KIAA0825: variants seen among roughly 807,000 people sequenced by gnomAD.
The protein encoded by KIAA0825 is KIAA0825.
In KIAA0825, 119 loss-of-function variants were observed where a neutral mutation model predicts 147.6. The ratio of observed to expected loss-of-function variants is 0.81; its 90% CI spans 0.69 to 0.94. The LOEUF is 0.94. Ranked by LOEUF, KIAA0825 falls within the 40% of genes least tolerant of loss-of-function variation. KIAA0825 has a pLI of 0.00. For missense variants in KIAA0825, 1,381 were observed against 1,472.7 expected (o/e 0.94, Z 1.02); for synonymous variants, 470 against 518.1 (o/e 0.91, Z 1.26).
intron 20 of KIAA0825, among the ~76,000 whole-genome samples, chr5:94,294,192 G>A (rs1778034319): frequency 6.6e-6 from 1 of 152,038 alleles, no homozygotes; most frequent in East Asian, 1.9e-4. Flanking sequence ...TGGTTATTTT[G>A]CCCATTAGTT....
intron 20 of KIAA0825, among the ~76,000 whole-genome samples, chr5:94,174,584 T>G (rs1278126207): frequency 6.6e-6 from 1 of 152,156 alleles, no homozygotes; most frequent in Non-Finnish European, 1.5e-5. Flanking sequence ...GTTTGAGTAC[T>G]AGCTAAAAAT....
rs1443402841 is a variant in KIAA0825, at chr5:94,499,583, T to TC, written c.971-14654dup. Among the ~76,000 whole-genome samples, 18 of 42,810 alleles carry TC rather than the reference T, an allele frequency of 4.2e-4. No individual in the cohort carries two copies. In the East Asian group the frequency reaches 0.013, roughly 30 times the overall value. The allele number at this position is 42,810 out of a possible 152,430, so 28.1% of individuals were successfully genotyped here. A position where few individuals can be genotyped will look rare whatever the true frequency, so the allele number is the denominator to read the frequency against. On this transcript the variant is annotated intron_variant, in intron 5 of 20. Coordinates refer to ENST00000682413, the MANE Select transcript of KIAA0825 (RefSeq NM_001145678.3). ...CATATATTCATATTTTATTTCCCAA[T>TC]CTGGGGGGGGGGGGGGACCAAGGGT...
intron 1 of KIAA0825, among the ~76,000 whole-genome samples, chr5:94,604,753 A>G (rs1246970548): frequency 1.3e-5 from 2 of 152,212 alleles, no homozygotes; most frequent in African/African-American, 4.8e-5. Flanking sequence ...GACAGTGTTA[A>G]GAGGGAAATT....
chr5:94,467,154 TA>T (rs1176396006), intron 10 of KIAA0825, among the ~76,000 whole-genome samples: 4 of 152,228 alleles, frequency 2.6e-5, no homozygotes, highest in African/African-American at 9.6e-5. Flanking sequence ...TTTTAAAATA[TA>T]AACTTCATGT....
intron 13 of KIAA0825, among the ~76,000 whole-genome samples, chr5:94,443,604 G>A (rs912836117): frequency 2.0e-5 from 3 of 151,956 alleles, no homozygotes; most frequent in Non-Finnish European, 4.4e-5. Context: ...AAGCATTATT[G>A]GTTTATGAAA....
intron 5 of KIAA0825, chr5:94,519,447 T>C: frequency 1.1e-6 from 1 of 909,684 alleles, no homozygotes; most frequent in Non-Finnish European, 1.3e-6. Context: ...TTTTCTCCAC[T>C]GGTAGGAAAG....
chr5:94,397,581 C>T (rs1008412529), intron 16 of KIAA0825, among the ~76,000 whole-genome samples: 4 of 152,136 alleles, frequency 2.6e-5, no homozygotes, highest in Non-Finnish European at 5.9e-5. Flanking sequence ...ATTAATTCTT[C>T]TTCTCTGTAT....
Position 94,574,337 on chromosome 5 carries a change from G to A in KIAA0825, c.-2+8096C>T, listed in dbSNP as rs1318851665. Among the ~76,000 whole-genome samples the A allele has an allele frequency of 2.6e-5, 4 of 152,062 alleles. No homozygotes were observed. The East Asian group carries it at 7.7e-4, about 29-fold the overall frequency. On this transcript the variant is annotated intron_variant, in intron 2 of 20. Transcript: ENST00000682413. ...AGGTGGGAGGATCACAAGATCAGGA[G>A]TTCGAGACCAGTCTGGCCAACATAG...
intron 17 of KIAA0825, among the ~76,000 whole-genome samples, chr5:94,395,317 T>A (rs980302808): frequency 3.9e-5 from 6 of 152,208 alleles, no homozygotes; most frequent in African/African-American, 1.4e-4. Flanking sequence ...TAGTATCTGC[T>A]AGCAACATGA....
At chr5:94,594,104 G>A (rs537350395) in intron 1 of KIAA0825, 9 of 545,194 alleles carry the variant, frequency 1.7e-5, no homozygotes, top group African/African-American at 5.7e-5. Flanking sequence ...GTGTTTCTTG[G>A]TTTCTCTTTG....
intron 2 of KIAA0825, among the ~76,000 whole-genome samples, chr5:94,544,111 GGA>G (rs1773875348): frequency 6.6e-6 from 1 of 152,118 alleles, no homozygotes; most frequent in African/African-American, 2.4e-5. Context: ...ACCCTCTCTT[GGA>G]GTCTGGATAG....
chr5:94,585,609 C>A (rs989474403), intron 1 of KIAA0825, among the ~76,000 whole-genome samples: 3 of 152,130 alleles, frequency 2.0e-5, no homozygotes, highest in African/African-American at 7.2e-5. Context: ...TAACACCCTG[C>A]TGTCAATATT....
In KIAA0825 at chr5:94,417,191, T is replaced by A; in HGVS notation, c.2662+10A>T. On this transcript the variant is annotated intron_variant, in intron 15 of 20. Coordinates refer to ENST00000682413, the MANE Select transcript of KIAA0825 (RefSeq NM_001145678.3). ...GAACATTTCTTTTACAAACAGTAAA[T>A]GTCTCATACCTGGGATGTTATATAA... 6.5e-7 allele frequency: 1 copy of A among 1,548,922 alleles called. No homozygotes were observed. Among genetic ancestry groups the A allele is most frequent in the Non-Finnish European group, 8.7e-7 (1 of 1,144,990 alleles).
chr5:94,563,144 G>A (rs983082681), intron 2 of KIAA0825, among the ~76,000 whole-genome samples: 2 of 151,122 alleles, frequency 1.3e-5, no homozygotes, highest in African/African-American at 2.4e-5. Context: ...GATCGAGACC[G>A]TCCTGGCTAA....
intron 7 of KIAA0825, among the ~76,000 whole-genome samples, chr5:94,474,731 C>T (rs984382073): frequency 6.6e-6 from 1 of 152,030 alleles, no homozygotes; most frequent in African/African-American, 2.4e-5. Flanking sequence ...TAAATTTTAA[C>T]GGAACTTTCT....
chr5:94,509,752 T>C (rs1290244798), intron 5 of KIAA0825, among the ~76,000 whole-genome samples: 1 of 152,226 alleles, frequency 6.6e-6, no homozygotes, highest in Admixed American at 6.5e-5. Context: ...CATTTAACTA[T>C]TAAATCTTAA....
intron 20 of KIAA0825, among the ~76,000 whole-genome samples, chr5:94,221,520 A>T (rs1230815263): frequency 6.6e-6 from 1 of 152,108 alleles, no homozygotes; most frequent in Non-Finnish European, 1.5e-5. Flanking sequence ...CTGAGTCCTC[A>T]CAGGAACCTG....
chr5:94,541,323 G>T (rs1348213316), intron 2 of KIAA0825, among the ~76,000 whole-genome samples: 1 of 152,156 alleles, frequency 6.6e-6, no homozygotes, highest in African/African-American at 2.4e-5. Flanking sequence ...AGTAAAAGTC[G>T]CTAAGAGTTA....
chr5:94,404,573 T>C (rs1197784032), intron 15 of KIAA0825, among the ~76,000 whole-genome samples: 2 of 152,032 alleles, frequency 1.3e-5, no homozygotes, highest in Non-Finnish European at 1.5e-5. Context: ...CCAAGACACA[T>C]AGCATAGGAA....
Sources: allele counts gnomAD v4.1 joint callset (sites outside exome capture counted in the v4.1 genomes callset), GRCh38; gene constraint gnomAD v4.1.1; transcripts MANE v1.5; gene names NCBI Gene and HGNC (gene_info 2026-07-23, HGNC 2026-07-21).